The following NEK1 variants were observed in gnomAD, a reference collection of about 807,000 sequenced individuals.
NEK1 encodes the protein serine/threonine-protein kinase Nek1.
A neutral mutation model predicts 182.1 loss-of-function variants in NEK1; 137 were observed. The observed-to-expected ratio is 0.75, with a 90% CI of 0.65 to 0.87. NEK1 has a LOEUF of 0.87. Among genes scored for constraint, NEK1 ranks in the 40% least tolerant of loss-of-function variants. The probability of loss-of-function intolerance (pLI) is 0.00; values close to 1 mark genes in which losing one functional copy is unlikely to be tolerated. For missense variants in NEK1, 1,391 were observed against 1,494.4 expected, an observed-to-expected ratio of 0.93 and a Z score of 1.14; for synonymous variants, 513 against 492.2, an observed-to-expected ratio of 1.04 and a Z score of -0.56.
At chr4:169,598,745 T>C (rs540822368) in intron 5 of NEK1, among the ~76,000 whole-genome samples, 28 of 152,310 alleles carry the variant, frequency 1.8e-4, no homozygotes, top group African/African-American at 6.3e-4. Flanking sequence ...CTTCTAGAGC[T>C]GGAGTTACCT....
At chr4:169,514,665 T>C (rs909692859) in intron 19 of NEK1, among the ~76,000 whole-genome samples, 5 of 152,232 alleles carry the variant, frequency 3.3e-5, no homozygotes, top group Admixed American at 6.5e-5. Context: ...TAAAGTTGAA[T>C]TTATCCTTTT....
chr4:169,420,225 A>G (rs544273126), intron 31 of NEK1, among the ~76,000 whole-genome samples: 2 of 152,344 alleles, frequency 1.3e-5, no homozygotes, highest in South Asian at 4.1e-4. Context: ...CAAGGGCAAT[A>G]ACACGAATGA....
At chr4:169,541,720 C>T (rs1221623327) in intron 18 of NEK1, among the ~76,000 whole-genome samples, 1 of 152,144 alleles carries the variant, frequency 6.6e-6, no homozygotes, top group African/African-American at 2.4e-5. Flanking sequence ...ACAAAAGAAC[C>T]ATTCAGATTG....
intron 27 of NEK1, among the ~76,000 whole-genome samples, chr4:169,450,805 C>A (rs1741569980): frequency 6.6e-6 from 1 of 152,138 alleles, no homozygotes; most frequent in Admixed American, 6.5e-5. Context: ...TCACACATAA[C>A]AATATTAACC....
chr4:169,466,265 G>A (rs1327562786), intron 26 of NEK1, among the ~76,000 whole-genome samples: 3 of 151,866 alleles, frequency 2.0e-5, no homozygotes, highest in Non-Finnish European at 4.4e-5. Flanking sequence ...TAATGGCCAC[G>A]AGTTTTTCAA....
intron 2 of NEK1, among the ~76,000 whole-genome samples, chr4:169,605,045 C>G (rs934451248): frequency 6.6e-6 from 1 of 151,652 alleles, no homozygotes; most frequent in Non-Finnish European, 1.5e-5. Context: ...AAAAAAAAAT[C>G]AAGATAAACT....
At chr4:169,544,171 A>G (rs1256764088) in intron 18 of NEK1, among the ~76,000 whole-genome samples, 3 of 150,694 alleles carry the variant, frequency 2.0e-5, no homozygotes, top group South Asian at 4.2e-4. Flanking sequence ...TATTATTTGG[A>G]AAGTAGGGCT....
intron 28 of NEK1, among the ~76,000 whole-genome samples, chr4:169,436,665 A>G (rs371807285): frequency 6.6e-6 from 1 of 152,236 alleles, no homozygotes; most frequent in East Asian, 1.9e-4. Context: ...CTTCTAGGCA[A>G]CAAATGCTTC....
At chr4:169,574,517 G>A (rs1385218381) in intron 12 of NEK1, among the ~76,000 whole-genome samples, 1 of 151,514 alleles carries the variant, frequency 6.6e-6, no homozygotes, top group Non-Finnish European at 1.5e-5. Context: ...TGAGGCGGGA[G>A]AATGGCGTGA....
rs1437325719 is a variant in NEK1, at chr4:169,497,275, T to C, written c.2007+9762A>G. 2.6e-4 allele frequency among the ~76,000 whole-genome samples: 39 copies of C among 152,332 alleles called. No individual in the cohort carries two copies. In the East Asian group the frequency reaches 7.3e-3, roughly 29 times the overall value. On this transcript the variant is annotated intron_variant, in intron 23 of 35. Transcript: ENST00000507142. ...ATCCCCTTTATCATTTTTTATTGCA[T>C]CTATTTGATTCTTCTCTCTTTTCTT... is the stretch of plus-strand genomic sequence containing the variant.
chr4:169,508,151 TGTTGTTGTTGTC>T (rs1561318193), intron 21 of NEK1, 85 bp downstream of exon 21: 3 of 1,031,486 alleles, frequency 2.9e-6, no homozygotes, highest in Non-Finnish European at 2.8e-6. Flanking sequence ...TCATCAGTTT[TGTTGTTGTTGTC>T]GTTGTTGTTA....
chr4:169,572,135 T>G (rs148982734), intron 12 of NEK1, among the ~76,000 whole-genome samples: 284 of 152,132 alleles, frequency 1.9e-3, no homozygotes, highest in African/African-American at 6.7e-3. Context: ...AAAGGAACAT[T>G]TGGGCTGCTC....
intron 19 of NEK1, among the ~76,000 whole-genome samples, chr4:169,529,793 T>C (rs138212437): frequency 7.9e-4 from 120 of 152,156 alleles, no homozygotes; most frequent in African/African-American, 2.8e-3. Flanking sequence ...GGATGGCAAA[T>C]ATGAAAAGAC....
chr4:169,463,692 C>T (rs922656210), intron 26 of NEK1, among the ~76,000 whole-genome samples: 1 of 152,086 alleles, frequency 6.6e-6, no homozygotes, highest in Non-Finnish European at 1.5e-5. Context: ...ATCTGAAATG[C>T]TTGGGGCCAG....
rs1736084221 is a variant in NEK1, at chr4:169,424,783, A to G, written c.2992T>C (p.Ser998Pro). The change falls in exon 31 of 36, where the codon TCT becomes CCT. Residue 998 changes from serine (S) to proline (P), a missense_variant. Ser to Pro is a moderately conservative substitution (Grantham distance 74). Coordinates refer to ENST00000507142, the MANE Select transcript of NEK1 (RefSeq NM_001199397.3). ...TCTACATCACATTTAGAGTGCTGAG[A>G]ATCATTGGTTCCAGGCTCTGTGGTA... ...DIHIEPGTND[S>P]QHSKCDVDKS... 6.2e-7 allele frequency: 1 copy of G among 1,608,360 alleles called. No homozygotes were observed. The highest frequency in any genetic ancestry group is 1.7e-5 in the Admixed American group (1 of 59,890).
At chr4:169,473,139 G>A (rs1212719054) in intron 26 of NEK1, among the ~76,000 whole-genome samples, 5 of 151,526 alleles carry the variant, frequency 3.3e-5, no homozygotes, top group Non-Finnish European at 5.9e-5. Flanking sequence ...GGCAGCACGT[G>A]CCTGTAGTTC....
chr4:169,565,326 C>A (rs1763512523), intron 12 of NEK1, among the ~76,000 whole-genome samples: 1 of 152,178 alleles, frequency 6.6e-6, no homozygotes, highest in South Asian at 2.1e-4. Context: ...CTTTCTATCA[C>A]TTGAAACAAA....
At chr4:169,529,430 CT>C (rs1757360026) in intron 19 of NEK1, among the ~76,000 whole-genome samples, 1 of 152,082 alleles carries the variant, frequency 6.6e-6, no homozygotes, top group Non-Finnish European at 1.5e-5. Context: ...CAATAAACGT[CT>C]TCTTCCTGGA....
intron 21 of NEK1, 82 bp downstream of exon 21, chr4:169,508,166 T>C (rs1394792348): frequency 5.8e-6 from 7 of 1,208,838 alleles, no homozygotes; most frequent in Non-Finnish European, 8.0e-6. Context: ...TTGTTGTCGT[T>C]GTTGTTAATG....
Sources: gnomAD v4.1 joint callset for allele counts (sites outside exome capture counted in the v4.1 genomes callset) on GRCh38, gnomAD v4.1.1 for gene constraint, MANE v1.5 for transcripts, NCBI Gene and HGNC (gene_info 2026-07-23, HGNC 2026-07-21) for gene names.